PLCE1: variants seen among roughly 807,000 people sequenced by gnomAD.
PLCE1 encodes the protein phospholipase C epsilon 1.
Under a neutral mutation model 242.8 loss-of-function variants are expected in PLCE1, and 119 were observed. That is an observed-to-expected ratio of 0.49 (90% CI 0.42 to 0.57). PLCE1 has a LOEUF of 0.57. Ranked by LOEUF, PLCE1 falls within the 20% of genes least tolerant of loss-of-function variation. The pLI is 0.00. For synonymous variants in PLCE1, 945 were observed against 1,017.4 expected (o/e 0.93, Z 1.35); for missense variants, 2,441 against 2,788.8 (o/e 0.88, Z 2.81).
chr10:94,076,367 G>C (rs1299810376), intron 2 of PLCE1, among the ~76,000 whole-genome samples: 1 of 152,116 alleles, frequency 6.6e-6, no homozygotes, highest in African/African-American at 2.4e-5. Flanking sequence ...AAGATGTTTT[G>C]AATCTAGTTA....
chr10:94,042,432 C>T (rs983390717), intron 2 of PLCE1, among the ~76,000 whole-genome samples: 20 of 152,152 alleles, frequency 1.3e-4, no homozygotes, highest in African/African-American at 4.1e-4. Context: ...CAATGTCACA[C>T]CATGTTAGCA....
chr10:94,220,934 G>A (rs1299172321), intron 4 of PLCE1, among the ~76,000 whole-genome samples: 1 of 152,176 alleles, frequency 6.6e-6, no homozygotes. Flanking sequence ...ACACCGTGCT[G>A]CCTCCCTCCA....
intron 2 of PLCE1, among the ~76,000 whole-genome samples, chr10:94,119,925 A>G (rs1434493373): frequency 6.6e-6 from 1 of 152,236 alleles, no homozygotes; most frequent in African/African-American, 2.4e-5. Flanking sequence ...TAGACGGCTT[A>G]TCTTTCAGAA....
intron 2 of PLCE1, among the ~76,000 whole-genome samples, chr10:94,120,527 A>G (rs1453174834): frequency 6.6e-6 from 1 of 152,208 alleles, no homozygotes; most frequent in African/African-American, 2.4e-5. Flanking sequence ...TCTGGTGGTC[A>G]TTCACTTGGG....
intron 3 of PLCE1, among the ~76,000 whole-genome samples, chr10:94,135,833 T>A (rs1027674643): frequency 6.6e-6 from 1 of 152,166 alleles, no homozygotes; most frequent in African/African-American, 2.4e-5. Context: ...CGAAAAGGAG[T>A]TTTAGCCATT....
chr10:94,106,234 C>T (rs1590035897), intron 2 of PLCE1: 1 of 152,168 alleles, frequency 6.6e-6, no homozygotes, highest in Non-Finnish European at 1.5e-5. Flanking sequence ...CTTCCAGATG[C>T]TTTTCTTATG....
At chr10:94,090,293 T>A (rs958311279) in intron 2 of PLCE1, among the ~76,000 whole-genome samples, 5 of 152,232 alleles carry the variant, frequency 3.3e-5, no homozygotes, top group African/African-American at 1.2e-4. Flanking sequence ...TGAAGACTAC[T>A]CTTGAAATGG....
At chr10:94,291,888 CCTT>C (rs2052658833) in intron 22 of PLCE1, among the ~76,000 whole-genome samples, 1 of 152,112 alleles carries the variant, frequency 6.6e-6, no homozygotes, top group Non-Finnish European at 1.5e-5. Context: ...AAATCCTTCC[CCTT>C]CTTTGATCAC....
intron 22 of PLCE1, chr10:94,287,424 T>C (rs1564863957): frequency 6.6e-6 from 1 of 151,266 alleles, no homozygotes; most frequent in Non-Finnish European, 1.5e-5. Context: ...TTTCAGTGTA[T>C]GTCACCTTTC....
At chr10:94,314,905 A>C (rs1009177423) in intron 28 of PLCE1, 1 of 152,468 alleles carries the variant, frequency 6.6e-6, no homozygotes, top group East Asian at 1.9e-4. Flanking sequence ...TATTACCAAC[A>C]GTTTGTTTTG....
At chr10:94,041,874 CT>C (rs1424673713) in intron 2 of PLCE1, among the ~76,000 whole-genome samples, 5 of 152,022 alleles carry the variant, frequency 3.3e-5, no homozygotes, top group African/African-American at 7.3e-5. Context: ...AACAGCACCC[CT>C]CTCTTCTAAA....
At chr10:94,311,829 G>C (rs1300140365) in intron 27 of PLCE1, among the ~76,000 whole-genome samples, 1 of 152,128 alleles carries the variant, frequency 6.6e-6, no homozygotes, top group East Asian at 1.9e-4. Flanking sequence ...GTTCTCCATT[G>C]CTTTCAGGGT....
At chr10:94,113,730 T>C (rs2046027975) in intron 2 of PLCE1, among the ~76,000 whole-genome samples, 1 of 152,122 alleles carries the variant, frequency 6.6e-6, no homozygotes, top group African/African-American at 2.4e-5. Flanking sequence ...CTAATAGCAA[T>C]GTGACGATGC....
chr10:94,263,176 T>A (rs910671272), intron 14 of PLCE1, among the ~76,000 whole-genome samples: 1 of 152,144 alleles, frequency 6.6e-6, no homozygotes, highest in Non-Finnish European at 1.5e-5. Flanking sequence ...GACCTTGTTT[T>A]GTTTTGTTTT....
intron 4 of PLCE1, among the ~76,000 whole-genome samples, chr10:94,226,392 C>T (rs2049939638): frequency 6.6e-6 from 1 of 152,108 alleles, no homozygotes; most frequent in Admixed American, 6.6e-5. Context: ...GGTTGAAGAC[C>T]TTACACACAT....
At chr10:94,280,038 G>A (rs2052140727) in intron 20 of PLCE1, 127 bp downstream of exon 20, 14 of 997,880 alleles carry the variant, frequency 1.4e-5, no homozygotes, top group Middle Eastern at 3.2e-4. Context: ...TTGTCCAGGA[G>A]TTTCTGAATT....
chr10:94,130,959 A>G (rs548962953), intron 2 of PLCE1, among the ~76,000 whole-genome samples: 1 of 152,106 alleles, frequency 6.6e-6, no homozygotes, highest in East Asian at 1.9e-4. Flanking sequence ...CTTCATTTCC[A>G]CCCTACTCTA....
chr10:94,020,647 G>C (rs2061360649), intron 1 of PLCE1, among the ~76,000 whole-genome samples: 1 of 151,738 alleles, frequency 6.6e-6, no homozygotes, highest in South Asian at 2.1e-4. Context: ...TATTGTGTGT[G>C]GTGTGAGATA....
chr10:94,228,738 A>ATCATG (rs1218851824), intron 5 of PLCE1, among the ~76,000 whole-genome samples: 1 of 152,094 alleles, frequency 6.6e-6, no homozygotes. Context: ...AACCCAAATG[A>ATCATG]TCATGTCCTT....
Sources: allele counts gnomAD v4.1 joint callset (sites outside exome capture counted in the v4.1 genomes callset), GRCh38; gene constraint gnomAD v4.1.1; transcripts MANE v1.5; gene names NCBI Gene and HGNC (gene_info 2026-07-23, HGNC 2026-07-21).